Variants in IQCE observed in about 807,000 individuals in gnomAD.
IQCE encodes IQ domain-containing protein E.
A neutral mutation model predicts 96.0 loss-of-function variants in IQCE; 115 were observed. That is an observed-to-expected ratio of 1.20 (90% CI 1.03 to 1.40). The LOEUF is 1.40. Among genes scored for constraint, IQCE ranks in the 40% most tolerant of loss-of-function variants. The pLI is 0.00. For synonymous variants in IQCE, 412 were observed against 371.2 expected (o/e 1.11, Z -1.26); for missense variants, 1,041 against 909.1 (o/e 1.15, Z -1.87).
rs1784895706 is a variant in IQCE at position 2,607,164 on chromosome 7, AG to A, written c.1908del (p.Arg637AspfsTer96). The A allele has an allele frequency of 6.2e-7, 1 of 1,612,076 alleles. No homozygotes were observed. Among genetic ancestry groups the A allele is most frequent in the Non-Finnish European group, 8.5e-7 (1 of 1,179,300 alleles). On this transcript the variant is annotated frameshift_variant, in exon 21 of 22. Transcript: ENST00000402050. LOFTEE classifies it high-confidence loss of function. ...AACCACCACCGCAGCTTCTACCAGGAGGAGATCGGCTTCAGCCACACACGGG... is the reference window on the plus strand; with the variant it reads ...AACCACCACCGCAGCTTCTACCAGGAGAGATCGGCTTCAGCCACACACGGG... ...KRTTTAASTR[R>X]RSASATHGDA...
Position 2,605,908 on chromosome 7 carries a change from C to G in IQCE, c.1776C>G (p.Ile592Met), listed in dbSNP as rs750537749. The G allele has an allele frequency of 1.2e-6, 2 of 1,608,044 alleles. No individual in the cohort carries two copies. The highest frequency in any genetic ancestry group is 2.2e-5 in the South Asian group (2 of 89,986). The change falls in exon 20 of 22, where the codon ATC becomes ATG. Residue 592 changes from isoleucine (I) to methionine (M), a missense_variant. Physicochemically the swap from Ile to Met is conservative, Grantham distance 10. Transcript: ENST00000402050. ...CTGTGCCCCGCGTTCCGAGCCCCAT[C>G]GCCCAGGCCACGGGCAGCCCTGTGC... Reference protein sequence around the residue: ...SSPVPRVPSPIAQATGSPVQE... With the variant: ...SSPVPRVPSPMAQATGSPVQE...
At chr7:2,566,750 T>G (rs1781404724) in intron 1 of IQCE, 1 of 251,994 alleles carries the variant, frequency 4.0e-6, no homozygotes, top group African/African-American at 2.2e-5. Context: ...AGATTCGTTG[T>G]GCTTTGATGT....
At chr7:2,604,457 C>A (rs940042132) in intron 18 of IQCE, among the ~76,000 whole-genome samples, 1 of 152,184 alleles carries the variant, frequency 6.6e-6, no homozygotes, top group African/African-American at 2.4e-5. Flanking sequence ...CTCTTAAGAT[C>A]ACTTCAGAGG....
intron 16 of IQCE, chr7:2,596,866 C>T (rs538430539): frequency 4.4e-5 from 19 of 427,674 alleles, no homozygotes; most frequent in Admixed American, 1.0e-4. Flanking sequence ...AGCCAAGGGC[C>T]GGAATGCTGG....
intron 8 of IQCE, chr7:2,582,012 A>G (rs1450236643): frequency 2.2e-6 from 1 of 464,004 alleles, no homozygotes; most frequent in Non-Finnish European, 4.4e-6. Context: ...GCGCCCGGCA[A>G]AAGAATGTTC....
intron 1 of IQCE, among the ~76,000 whole-genome samples, chr7:2,561,108 C>T (rs1442067892): frequency 5.5e-5 from 6 of 108,896 alleles, no homozygotes; most frequent in Admixed American, 1.9e-4. Context: ...CAGGCGCCTG[C>T]CACCACACCC....
At chr7:2,559,925 G>A (rs574197705) in intron 1 of IQCE, among the ~76,000 whole-genome samples, 48 of 152,342 alleles carry the variant, frequency 3.2e-4, no homozygotes, top group African/African-American at 1.1e-3. Flanking sequence ...CTGGGAAGCC[G>A]AGATGGGAGG....
rs923085674 is a variant in IQCE at position 2,610,605 on chromosome 7, G to A, written c.*443G>A. 5.5e-6 allele frequency: 1 copy of A among 180,562 alleles called. No individual in the cohort carries two copies. Among genetic ancestry groups the A allele is most frequent in the Non-Finnish European group, 1.2e-5 (1 of 85,292 alleles). 11.2% of individuals were successfully genotyped at this position (180,562 alleles called of 1,614,324 possible). A position where few individuals can be genotyped will look rare whatever the true frequency, so the allele number is the denominator to read the frequency against. ...GATTTGCTCGATCTCAGCCCAGCAG[G>A]CCAGGCAGACACACCCCGCTGTGCC... On this transcript the variant is annotated 3_prime_UTR_variant, in exon 22 of 22. Transcript: ENST00000402050.
At chr7:2,579,676 G>C (rs1463979248) in intron 8 of IQCE, among the ~76,000 whole-genome samples, 3 of 151,208 alleles carry the variant, frequency 2.0e-5, no homozygotes, top group South Asian at 2.1e-4. Flanking sequence ...TAAAGAAAAG[G>C]CTCCATGTTT....
At position 2,590,057 on chromosome 7, in the gene IQCE, GA is replaced by G. The variant is rs1783463830; in HGVS notation, c.1196del (p.Asp399AlafsTer2). The G allele has an allele frequency of 5.6e-6, 9 of 1,613,574 alleles. No homozygotes were observed. Among genetic ancestry groups the G allele is most frequent in the Non-Finnish European group, 6.8e-6 (8 of 1,179,932 alleles). On this transcript the variant is annotated frameshift_variant, in exon 14 of 22. Transcript: ENST00000402050. LOFTEE classifies it high-confidence loss of function. ...CGAGCGTCTCCGAGGGGCTGTGAGA[GA>G]CCTGAAGGAAGAGCGGACCGCGCTG... ...DHERLRGAVR[D>X]LKEERTALQE...
At chr7:2,578,561 C>T in intron 8 of IQCE, 35 bp downstream of exon 8, 1 of 1,610,622 alleles carries the variant, frequency 6.2e-7, no homozygotes, top group Non-Finnish European at 8.5e-7. Flanking sequence ...AGCCTTTCCC[C>T]AGACGCTAGT....
In IQCE at chr7:2,613,615, G is replaced by C. The variant is rs1348617626; in HGVS notation, c.*3453G>C. On this transcript the variant is annotated 3_prime_UTR_variant, in exon 22 of 22. Coordinates refer to ENST00000402050, the MANE Select transcript of IQCE (RefSeq NM_152558.5). The stretch of plus-strand genomic sequence containing the variant: ...ATCACCCACCAGACAGCTGCGGAGA[G>C]AGTGCAGGGAGGGGCTGGGACCAAA... 6.6e-6 allele frequency: 1 copy of C among 152,390 alleles called. No individual in the cohort carries two copies. Among genetic ancestry groups the C allele is most frequent in the Non-Finnish European group, 1.5e-5 (1 of 68,120 alleles). The allele number at this position is 152,390 out of a possible 1,614,324, so 9.4% of individuals were successfully genotyped here.
At chr7:2,595,011 T>C in intron 16 of IQCE, 35 bp downstream of exon 16, 1 of 1,457,428 alleles carries the variant, frequency 6.9e-7, no homozygotes, top group Non-Finnish European at 9.6e-7. Flanking sequence ...TCCCGTCAGG[T>C]GCGGTGAGAC....
chr7:2,570,109 A>G (rs1781654602), intron 3 of IQCE, among the ~76,000 whole-genome samples: 2 of 152,072 alleles, frequency 1.3e-5, no homozygotes, highest in African/African-American at 2.4e-5. Flanking sequence ...GGCCTGGTCA[A>G]CCTGCTTGTA....
rs969428268 is a variant in IQCE, at chr7:2,586,107, A to G, written c.825-101A>G. 1.7e-5 allele frequency: 19 copies of G among 1,149,790 alleles called. No individual in the cohort carries two copies. In the African/African-American group the frequency reaches 2.7e-4, roughly 16 times the overall value. 71.2% of individuals were successfully genotyped at this position (1,149,790 alleles called of 1,614,324 possible). A position where few individuals can be genotyped will look rare whatever the true frequency, so the allele number is the denominator to read the frequency against. On this transcript the variant is annotated intron_variant, in intron 11 of 21. Transcript: ENST00000402050. Reference sequence around the variant, plus strand: ...CACCTGCAAAAACCACTCTGAGCTCACAACCAACAGAGCAAGCTGTGATTC... The same window carrying G: ...CACCTGCAAAAACCACTCTGAGCTCGCAACCAACAGAGCAAGCTGTGATTC...
At chr7:2,560,955 CAAAAAAAA>C (rs746886884) in intron 1 of IQCE, among the ~76,000 whole-genome samples, 2 of 58,784 alleles carry the variant, frequency 3.4e-5, no homozygotes, top group South Asian at 5.9e-4. Flanking sequence ...GACTCTGTCT[CAAAAAAAA>C]AAAAAAAAAA....
At chr7:2,575,530 G>A (rs1424007403) in intron 6 of IQCE, among the ~76,000 whole-genome samples, 1 of 152,228 alleles carries the variant, frequency 6.6e-6, no homozygotes, top group Non-Finnish European at 1.5e-5. Context: ...CTCCTCTGGA[G>A]CCCCACCAGT....
intron 13 of IQCE, 52 bp downstream of exon 13, chr7:2,587,929 G>T: frequency 1.3e-6 from 2 of 1,536,410 alleles, no homozygotes; most frequent in South Asian, 1.1e-5. Context: ...GCCTCATGCT[G>T]TGGGGACGGG....
At chr7:2,596,739 A>G (rs529340267) in intron 16 of IQCE, among the ~76,000 whole-genome samples, 1 of 152,352 alleles carries the variant, frequency 6.6e-6, no homozygotes, top group South Asian at 2.1e-4. Flanking sequence ...TTCTGATCAC[A>G]TTGGCACAGG....
Sources: allele counts gnomAD v4.1 joint callset (sites outside exome capture counted in the v4.1 genomes callset), GRCh38; gene constraint gnomAD v4.1.1; transcripts MANE v1.5; gene names NCBI Gene and HGNC (gene_info 2026-07-23, HGNC 2026-07-21).